The following LRMDA variants were observed in gnomAD, a reference collection of about 807,000 sequenced individuals.
LRMDA encodes the protein leucine-rich melanocyte differentiation-associated protein.
In LRMDA, 18 loss-of-function variants were observed where a neutral mutation model predicts 29.8. The ratio of observed to expected loss-of-function variants is 0.60; its 90% CI spans 0.42 to 0.90. The LOEUF (loss-of-function observed/expected upper bound fraction) is 0.90, where lower values mean the gene tolerates loss of function less well. Among genes scored for constraint, LRMDA ranks in the 40% least tolerant of loss-of-function variants. The probability of loss-of-function intolerance (pLI) is 0.00; values close to 1 mark genes in which losing one functional copy is unlikely to be tolerated. For synonymous variants in LRMDA, 125 were observed against 109.4 expected, an observed-to-expected ratio of 1.14 and a Z score of -0.89; for missense variants, 273 against 273.9, an observed-to-expected ratio of 1.00 and a Z score of 0.02.
intron 5 of LRMDA, among the ~76,000 whole-genome samples, chr10:76,246,065 G>C (rs1490719532): frequency 6.6e-6 from 1 of 152,156 alleles, no homozygotes; most frequent in Non-Finnish European, 1.5e-5. Flanking sequence ...CATTGACGAG[G>C]AAGCTGAGAC....
intron 6 of LRMDA, among the ~76,000 whole-genome samples, chr10:76,398,484 A>C (rs1241669361): frequency 6.6e-6 from 1 of 152,196 alleles, no homozygotes; most frequent in East Asian, 1.9e-4. Flanking sequence ...AACGACCCTC[A>C]AAGGGGCAAT....
chr10:76,503,595 A>G (rs1842932609), intron 6 of LRMDA, among the ~76,000 whole-genome samples: 1 of 150,684 alleles, frequency 6.6e-6, no homozygotes, highest in African/African-American at 2.4e-5. Context: ...TTTCCTGTAG[A>G]TTTTCTAATT....
intron 2 of LRMDA, among the ~76,000 whole-genome samples, chr10:75,849,126 G>T (rs1344603451): frequency 6.6e-6 from 1 of 152,170 alleles, no homozygotes; most frequent in East Asian, 1.9e-4. Flanking sequence ...CTTAGTTTTA[G>T]TTGGTGACCC....
intron 2 of LRMDA, among the ~76,000 whole-genome samples, chr10:76,035,766 A>G (rs929056306): frequency 6.6e-6 from 1 of 152,104 alleles, no homozygotes; most frequent in African/African-American, 2.4e-5. Flanking sequence ...GCTACTCACT[A>G]AGTGACCCTC....
chr10:75,571,302 G>T (rs187069961), intron 2 of LRMDA, among the ~76,000 whole-genome samples: 8 of 152,156 alleles, frequency 5.3e-5, no homozygotes, highest in African/African-American at 1.2e-4. Context: ...TTAACATAAG[G>T]TTCTTTTAAA....
At chr10:75,508,047 G>A (rs929777805) in intron 2 of LRMDA, among the ~76,000 whole-genome samples, 2 of 152,150 alleles carry the variant, frequency 1.3e-5, no homozygotes, top group Non-Finnish European at 2.9e-5. Context: ...TAACTCTTTC[G>A]CTGTCTAGAG....
intron 2 of LRMDA, among the ~76,000 whole-genome samples, chr10:75,805,225 T>C (rs181502392): frequency 6.6e-6 from 1 of 152,278 alleles, no homozygotes; most frequent in African/African-American, 2.4e-5. Flanking sequence ...CCTAAAGTAC[T>C]GTGGCTTAGT....
At chr10:76,508,871 T>C (rs1842983347) in intron 6 of LRMDA, among the ~76,000 whole-genome samples, 1 of 152,194 alleles carries the variant, frequency 6.6e-6, no homozygotes, top group Non-Finnish European at 1.5e-5. Flanking sequence ...CTGAAGGTGA[T>C]AGAACTACTA....
intron 6 of LRMDA, among the ~76,000 whole-genome samples, chr10:76,416,293 C>A (rs2132514622): frequency 6.6e-6 from 1 of 152,304 alleles, no homozygotes; most frequent in East Asian, 1.9e-4. Flanking sequence ...CATGCTTCCC[C>A]TGTCCTGCTG....
At chr10:75,647,995 A>ACCAAATGC in intron 2 of LRMDA, among the ~76,000 whole-genome samples, 1 of 147,122 alleles carries the variant, frequency 6.8e-6, no homozygotes, top group African/African-American at 2.7e-5. Flanking sequence ...CCTCCAAATG[A>ACCAAATGC]TACCAAATGC....
At chr10:75,544,333 T>C (rs1416533332) in intron 2 of LRMDA, among the ~76,000 whole-genome samples, 1 of 152,224 alleles carries the variant, frequency 6.6e-6, no homozygotes, top group East Asian at 1.9e-4. Context: ...AATGAAGGAC[T>C]AAATGATGGT....
At chr10:75,822,320 C>T (rs1475989125) in intron 2 of LRMDA, among the ~76,000 whole-genome samples, 4 of 151,982 alleles carry the variant, frequency 2.6e-5, no homozygotes, top group African/African-American at 7.2e-5. Context: ...ATAGATGACA[C>T]AAACAAATAG....
At chr10:75,580,334 G>T (rs1019314171) in intron 2 of LRMDA, among the ~76,000 whole-genome samples, 1 of 152,114 alleles carries the variant, frequency 6.6e-6, no homozygotes, top group Admixed American at 6.5e-5. Flanking sequence ...GCTACAAAGA[G>T]AATAAAATAC....
chr10:76,331,813 G>C (rs1193490786), intron 6 of LRMDA, among the ~76,000 whole-genome samples: 1 of 152,008 alleles, frequency 6.6e-6, no homozygotes, highest in Non-Finnish European at 1.5e-5. Flanking sequence ...TGCTTTTATG[G>C]GCTTATAATC....
At chr10:76,230,669 C>T (rs1263398328) in intron 5 of LRMDA, among the ~76,000 whole-genome samples, 1 of 151,984 alleles carries the variant, frequency 6.6e-6, no homozygotes, top group Non-Finnish European at 1.5e-5. Flanking sequence ...TTTATCTGAG[C>T]TGTCTTGCAA....
intron 2 of LRMDA, among the ~76,000 whole-genome samples, chr10:75,852,832 G>A (rs1293027755): frequency 1.3e-5 from 2 of 152,054 alleles, no homozygotes; most frequent in African/African-American, 4.8e-5. Flanking sequence ...CATAGATGGG[G>A]GTTGTATTAG....
At chr10:76,544,470 C>T (rs1021690421) in intron 6 of LRMDA, among the ~76,000 whole-genome samples, 1 of 152,164 alleles carries the variant, frequency 6.6e-6, no homozygotes, top group Non-Finnish European at 1.5e-5. Context: ...GCAAAAAACA[C>T]ACCCATCTTA....
At chr10:75,699,996 T>G (rs1842285032) in intron 2 of LRMDA, among the ~76,000 whole-genome samples, 4 of 152,158 alleles carry the variant, frequency 2.6e-5, no homozygotes, top group African/African-American at 9.7e-5. Flanking sequence ...GAAGAAGGAA[T>G]GGGTTCTCTC....
chr10:75,873,838 T>C (rs920024898), intron 2 of LRMDA, among the ~76,000 whole-genome samples: 2 of 152,194 alleles, frequency 1.3e-5, no homozygotes, highest in African/African-American at 2.4e-5. Flanking sequence ...GGTGGCAGAA[T>C]TGTGACTACC....
Sources: allele counts gnomAD v4.1 joint callset (sites outside exome capture counted in the v4.1 genomes callset), GRCh38; gene constraint gnomAD v4.1.1; transcripts MANE v1.5; gene names NCBI Gene and HGNC (gene_info 2026-07-23, HGNC 2026-07-21).